The following KCNQ5 variants were observed in gnomAD, a reference collection of about 807,000 sequenced individuals.
KCNQ5 encodes the protein potassium voltage-gated channel subfamily Q member 5.
Under a neutral mutation model 98.2 loss-of-function variants are expected in KCNQ5, and 30 were observed. That is an observed-to-expected ratio of 0.31 (90% CI 0.23 to 0.41). The LOEUF (loss-of-function observed/expected upper bound fraction) is 0.41, where lower values mean the gene tolerates loss of function less well. Ranked by LOEUF, KCNQ5 falls within the 10% of genes least tolerant of loss-of-function variation. KCNQ5 has a pLI of 1.00. For missense variants in KCNQ5, 835 were observed against 1,182.5 expected (o/e 0.71, Z 4.31); for synonymous variants, 458 against 449.4 (o/e 1.02, Z -0.24).
chr6:72,644,852 G>GGA (rs574551509), intron 1 of KCNQ5, among the ~76,000 whole-genome samples: 209 of 152,098 alleles, frequency 1.4e-3, no homozygotes, highest in African/African-American at 4.8e-3. Flanking sequence ...AGAACTCTAG[G>GGA]GACAAGGTTT....
chr6:72,647,732 T>C (rs1765671353), intron 1 of KCNQ5, among the ~76,000 whole-genome samples: 1 of 152,178 alleles, frequency 6.6e-6, no homozygotes, highest in Admixed American at 6.5e-5. Flanking sequence ...TATTGCGCCA[T>C]AATGAGGCAA....
At chr6:73,006,770 T>G (rs1769832421) in intron 2 of KCNQ5, among the ~76,000 whole-genome samples, 1 of 152,264 alleles carries the variant, frequency 6.6e-6, no homozygotes, top group African/African-American at 2.4e-5. Context: ...CATTTAGAAC[T>G]ATGTGTAAAT....
Position 72,719,010 on chromosome 6 carries a change from A to C in KCNQ5, c.398+96423A>C, listed in dbSNP as rs564430551. Among the ~76,000 whole-genome samples, 234 of 152,304 alleles carry C rather than the reference A, an allele frequency of 1.5e-3. 1 individual carries two copies. The highest frequency in any genetic ancestry group is 5.5e-3 in the African/African-American group (228 of 41,566). ...AAAATGGAGAGAGGTAGAGGTATTTATATTTAGCATTTATTTATTTCTTCA... is the reference window on the plus strand; with the variant it reads ...AAAATGGAGAGAGGTAGAGGTATTTCTATTTAGCATTTATTTATTTCTTCA... On this transcript the variant is annotated intron_variant, in intron 1 of 13. Transcript: ENST00000370398.
intron 3 of KCNQ5, among the ~76,000 whole-genome samples, chr6:73,064,438 G>T (rs886688404): frequency 6.6e-6 from 1 of 152,124 alleles, no homozygotes; most frequent in East Asian, 1.9e-4. Context: ...CCTTGAATAA[G>T]ATATCCAAGC....
At chr6:72,987,232 AAG>A (rs1768825721) in intron 1 of KCNQ5, 1 of 687,434 alleles carries the variant, frequency 1.5e-6, no homozygotes, top group South Asian at 1.4e-5. Flanking sequence ...AACAAGAGGA[AAG>A]AGAGTGGGGC....
chr6:72,986,982 G>C, intron 1 of KCNQ5: 1 of 807,296 alleles, frequency 1.2e-6, no homozygotes, highest in Non-Finnish European at 2.1e-6. Context: ...CAGTGGGAAG[G>C]TGAAGAAGAA....
chr6:72,830,399 G>T (rs1031749800), intron 1 of KCNQ5, among the ~76,000 whole-genome samples: 7 of 152,106 alleles, frequency 4.6e-5, no homozygotes, highest in African/African-American at 1.7e-4. Context: ...TAGACCAATG[G>T]AACAGAACAG....
intron 3 of KCNQ5, among the ~76,000 whole-genome samples, chr6:73,057,420 G>A (rs973670884): frequency 5.9e-5 from 9 of 152,054 alleles, no homozygotes; most frequent in African/African-American, 1.9e-4. Context: ...CATGGCACAT[G>A]TATACATGTG....
chr6:73,143,846 A>G (rs1446961877), intron 10 of KCNQ5, among the ~76,000 whole-genome samples: 2 of 152,334 alleles, frequency 1.3e-5, no homozygotes, highest in African/African-American at 4.8e-5. Flanking sequence ...CAGACTTCAT[A>G]GTTTTCAGAA....
intron 1 of KCNQ5, among the ~76,000 whole-genome samples, chr6:72,957,506 C>T (rs962448401): frequency 2.0e-5 from 3 of 152,054 alleles, no homozygotes; most frequent in Non-Finnish European, 4.4e-5. Context: ...ACCAAGGCCT[C>T]GCTCCCAGGG....
intron 3 of KCNQ5, among the ~76,000 whole-genome samples, chr6:73,056,317 T>A (rs1478071726): frequency 6.6e-6 from 1 of 152,136 alleles, no homozygotes; most frequent in African/African-American, 2.4e-5. Context: ...GTGACAACTG[T>A]TTCCTCCCTG....
chr6:72,710,907 C>G (rs1054381714), intron 1 of KCNQ5, among the ~76,000 whole-genome samples: 13 of 152,150 alleles, frequency 8.5e-5, no homozygotes, highest in Non-Finnish European at 5.9e-5. Flanking sequence ...CTGAAGTATA[C>G]ACAGAGCATT....
At chr6:72,818,117 T>C (rs772302823) in intron 1 of KCNQ5, among the ~76,000 whole-genome samples, 42 of 152,128 alleles carry the variant, frequency 2.8e-4, no homozygotes, top group Non-Finnish European at 4.9e-4. Context: ...TTAAAAGTAA[T>C]AAAATTAGCC....
At chr6:72,957,480 T>C (rs1767138966) in intron 1 of KCNQ5, among the ~76,000 whole-genome samples, 1 of 152,068 alleles carries the variant, frequency 6.6e-6, no homozygotes, top group Non-Finnish European at 1.5e-5. Context: ...CGTAGGAAGC[T>C]TTTTAAAATG....
intron 1 of KCNQ5, among the ~76,000 whole-genome samples, chr6:72,925,760 C>T (rs537017121): frequency 1.2e-4 from 19 of 152,230 alleles, no homozygotes; most frequent in East Asian, 3.9e-4. Flanking sequence ...GAAAGAACAA[C>T]TTGTGTGAGG....
chr6:72,802,142 T>G (rs1774693899), intron 1 of KCNQ5, among the ~76,000 whole-genome samples: 1 of 152,052 alleles, frequency 6.6e-6, no homozygotes, highest in Admixed American at 6.6e-5. Flanking sequence ...TTTGTGGCGT[T>G]CTCTGTATTT....
intron 1 of KCNQ5, among the ~76,000 whole-genome samples, chr6:73,002,137 A>T (rs560324915): frequency 9.8e-5 from 15 of 152,324 alleles, no homozygotes; most frequent in Non-Finnish European, 1.8e-4. Flanking sequence ...TTCTAAAAAA[A>T]TAAAAATGAA....
intron 11 of KCNQ5, among the ~76,000 whole-genome samples, chr6:73,177,026 C>A (rs1778238558): frequency 6.6e-6 from 1 of 152,134 alleles, no homozygotes; most frequent in Admixed American, 6.5e-5. Flanking sequence ...ATTCAAACAG[C>A]CAGACAGATG....
chr6:73,120,526 T>C lies in KCNQ5; in HGVS notation c.1169T>C (p.Ile390Thr), dbSNP rs200362919. Residue 390 changes from isoleucine to threonine, a missense_variant, in exon 8 of 14, where the codon ATT becomes ACT. Transcript: ENST00000370398. ...GCAGCTGATGAGAAATCTGTTTCCA[T>C]TGCAACCTGGAAGCCACACTTGAAG... Reference protein sequence around the residue: ...SYAADEKSVSIATWKPHLKAL... With the variant: ...SYAADEKSVSTATWKPHLKAL... The C allele has an allele frequency of 2.6e-5, 42 of 1,612,364 alleles. No homozygotes were observed. In the Middle Eastern group the frequency reaches 5.0e-4, roughly 19 times the overall value.
Sources: allele counts gnomAD v4.1 joint callset (sites outside exome capture counted in the v4.1 genomes callset), GRCh38; gene constraint gnomAD v4.1.1; transcripts MANE v1.5; gene names NCBI Gene and HGNC (gene_info 2026-07-23, HGNC 2026-07-21).